The following KCNK1 variants were observed in gnomAD, a reference collection of about 807,000 sequenced individuals.
KCNK1 encodes potassium two pore domain channel subfamily K member 1, also known as potassium channel subfamily K member 1.
In KCNK1, 10 loss-of-function variants were observed where a neutral mutation model predicts 22.2. The observed-to-expected ratio is 0.45, with a 90% CI of 0.28 to 0.76. The LOEUF (loss-of-function observed/expected upper bound fraction) is 0.76, where lower values mean the gene tolerates loss of function less well. Among genes scored for constraint, KCNK1 ranks in the 30% least tolerant of loss-of-function variants. KCNK1 has a pLI of 0.14. For missense variants in KCNK1, 378 were observed against 421.0 expected, an observed-to-expected ratio of 0.90 and a Z score of 0.89; for synonymous variants, 200 against 186.4, an observed-to-expected ratio of 1.07 and a Z score of -0.60.
At chr1:233,625,946 C>T (rs1657681653) in intron 1 of KCNK1, among the ~76,000 whole-genome samples, 2 of 151,996 alleles carry the variant, frequency 1.3e-5, no homozygotes, top group South Asian at 4.2e-4. Flanking sequence ...ATGTCCTAGG[C>T]CACTGCAAAA....
At chr1:233,650,609 A>G (rs1367788098) in intron 1 of KCNK1, among the ~76,000 whole-genome samples, 1 of 152,152 alleles carries the variant, frequency 6.6e-6, no homozygotes, top group Non-Finnish European at 1.5e-5. Flanking sequence ...AATGTTTTAC[A>G]TGGATTGTTT....
intron 1 of KCNK1, among the ~76,000 whole-genome samples, chr1:233,652,364 A>G (rs965489634): frequency 3.3e-5 from 5 of 152,132 alleles, no homozygotes; most frequent in Non-Finnish European, 5.9e-5. Context: ...CCCTGAGGCC[A>G]GACATAATAG....
chr1:233,619,951 A>C (rs533964510), intron 1 of KCNK1, among the ~76,000 whole-genome samples: 1 of 151,884 alleles, frequency 6.6e-6, no homozygotes, highest in African/African-American at 2.4e-5. Context: ...AGGGGGGTGA[A>C]GAGTAGAACG....
intron 2 of KCNK1, among the ~76,000 whole-genome samples, chr1:233,667,698 C>G (rs1259535630): frequency 1.5e-5 from 2 of 131,692 alleles, no homozygotes; most frequent in Non-Finnish European, 3.1e-5. Context: ...CCACTGCACT[C>G]CAGCCTGGGC....
chr1:233,647,409 C>A (rs1658118135), intron 1 of KCNK1, among the ~76,000 whole-genome samples: 1 of 152,030 alleles, frequency 6.6e-6, no homozygotes, highest in South Asian at 2.1e-4. Context: ...TGAAAGTAAC[C>A]CTGTGGTGGA....
intron 1 of KCNK1, among the ~76,000 whole-genome samples, chr1:233,633,376 A>G (rs554637824): frequency 3.5e-4 from 53 of 152,202 alleles, no homozygotes; most frequent in African/African-American, 1.3e-3. Flanking sequence ...TTATCATGTT[A>G]AAATAAGCTA....
intron 1 of KCNK1, among the ~76,000 whole-genome samples, chr1:233,650,304 C>G (rs1015353158): frequency 6.6e-6 from 1 of 152,156 alleles, no homozygotes; most frequent in Admixed American, 6.5e-5. Flanking sequence ...CACACAGTTC[C>G]TCTATATCAG....
rs367971765 is a variant in KCNK1 at position 233,644,278 on chromosome 1, C to G, written c.356-22317C>G. ...ACCCAGAAGGCCCCAACTCCCAACACTGTTGGACTGGGGATTCAGTTTCCA... is the reference window on the plus strand; with the variant it reads ...ACCCAGAAGGCCCCAACTCCCAACAGTGTTGGACTGGGGATTCAGTTTCCA... On this transcript the variant is annotated intron_variant, in intron 1 of 2. Coordinates refer to ENST00000366621, the MANE Select transcript of KCNK1 (RefSeq NM_002245.4). 3.0e-4 allele frequency among the ~76,000 whole-genome samples: 45 copies of G among 152,296 alleles called. No homozygotes were observed. In the East Asian group the frequency reaches 5.4e-3, roughly 18 times the overall value.
chr1:233,667,033 TTTTATTTATTTA>T (rs148162946), intron 2 of KCNK1, 43 bp downstream of exon 2: 34 of 1,323,024 alleles, frequency 2.6e-5, no homozygotes, highest in Admixed American at 1.1e-4. Context: ...GTCTCCTTTA[TTTTATTTATTTA>T]TTTATTTATT....
At chr1:233,643,040 C>G (rs1358089577) in intron 1 of KCNK1, among the ~76,000 whole-genome samples, 6 of 151,520 alleles carry the variant, frequency 4.0e-5, no homozygotes, top group South Asian at 4.2e-4. Flanking sequence ...CCTTGGCCTC[C>G]CAAATTGCTG....
At chr1:233,658,735 G>A (rs776348565) in intron 1 of KCNK1, among the ~76,000 whole-genome samples, 1 of 152,230 alleles carries the variant, frequency 6.6e-6, no homozygotes, top group Non-Finnish European at 1.5e-5. Context: ...GTAGGCAAGT[G>A]TAACACATGG....
rs187076143 is a variant in KCNK1, at chr1:233,629,859, G to A, written c.355+15333G>A. On this transcript the variant is annotated intron_variant, in intron 1 of 2. Transcript: ENST00000366621. The stretch of plus-strand genomic sequence containing the variant: ...TGGGGCACGGCGGGAAGAGGGAGAC[G>A]GCCCTGGACGGCCGCACCAAGAATT... 6.3e-3 allele frequency: 958 copies of A among 152,328 alleles called. 5 individuals carry two copies. The highest frequency in any genetic ancestry group is 9.8e-3 in the Non-Finnish European group (664 of 68,070). The allele number at this position is 152,328 out of a possible 1,614,324, so 9.4% of individuals were successfully genotyped here.
chr1:233,669,675 C>T (rs1485055585), intron 2 of KCNK1, among the ~76,000 whole-genome samples: 1 of 152,076 alleles, frequency 6.6e-6, no homozygotes, highest in African/African-American at 2.4e-5. Context: ...GGTGAAACAC[C>T]ATCTCTACTA....
At chr1:233,637,127 C>G (rs994749944) in intron 1 of KCNK1, among the ~76,000 whole-genome samples, 3 of 135,346 alleles carry the variant, frequency 2.2e-5, no homozygotes, top group Admixed American at 9.0e-5. Flanking sequence ...ACCCAGGAGG[C>G]GGAGGTTGTA....
intron 1 of KCNK1, among the ~76,000 whole-genome samples, chr1:233,620,269 C>CA (rs1181911153): frequency 6.6e-6 from 1 of 152,062 alleles, no homozygotes; most frequent in Non-Finnish European, 1.5e-5. Context: ...TACTGTCTCA[C>CA]AAAAAAAGTT....
intron 1 of KCNK1, among the ~76,000 whole-genome samples, chr1:233,665,287 A>T (rs1658469611): frequency 6.6e-6 from 1 of 152,210 alleles, no homozygotes; most frequent in Admixed American, 6.5e-5. Context: ...AGAGTAAGAG[A>T]TAACCACGTC....
intron 1 of KCNK1, among the ~76,000 whole-genome samples, chr1:233,620,409 G>T (rs1053718663): frequency 3.3e-5 from 5 of 152,090 alleles, no homozygotes; most frequent in African/African-American, 1.2e-4. Flanking sequence ...TGTTCTAAGT[G>T]GTATGCAACA....
chr1:233,656,125 G>T (rs542341967), intron 1 of KCNK1, among the ~76,000 whole-genome samples: 1 of 152,318 alleles, frequency 6.6e-6, no homozygotes, highest in East Asian at 1.9e-4. Context: ...GATTAAACAA[G>T]TGTCATCCAA....
chr1:233,666,964 G>A lies in KCNK1; in HGVS notation c.725G>A (p.Arg242Lys). 2 of 1,612,898 alleles carry A rather than the reference G, an allele frequency of 1.2e-6. No homozygotes were observed. Among genetic ancestry groups the A allele is most frequent in the Non-Finnish European group, 1.7e-6 (2 of 1,179,518 alleles). The change falls in exon 2 of 3, where the codon AGA becomes AAA. Residue 242 changes from arginine to lysine, a missense_variant. Transcript: ENST00000366621. ...GGGGAAGGCTACAATCAAAAATTCA[G>A]AGAGCTCTATAAGATTGGGATCACG... ...VPGEGYNQKF[R>K]ELYKIGITCY...
Sources: gnomAD v4.1 joint callset for allele counts (sites outside exome capture counted in the v4.1 genomes callset) on GRCh38, gnomAD v4.1.1 for gene constraint, MANE v1.5 for transcripts, NCBI Gene and HGNC (gene_info 2026-07-23, HGNC 2026-07-21) for gene names.